Variants in DBN1 observed in about 807,000 individuals in gnomAD.
The protein encoded by DBN1 is drebrin 1.
Under a neutral mutation model 83.5 loss-of-function variants are expected in DBN1, and 21 were observed. The ratio of observed to expected loss-of-function variants is 0.25; its 90% CI spans 0.18 to 0.36. The LOEUF (loss-of-function observed/expected upper bound fraction) is 0.36, where lower values mean the gene tolerates loss of function less well. Among genes scored for constraint, DBN1 ranks in the 10% least tolerant of loss-of-function variants. The pLI, the probability that DBN1 is intolerant of heterozygous loss-of-function variation, is 1.00. For synonymous variants in DBN1, 381 were observed against 384.9 expected, an observed-to-expected ratio of 0.99 and a Z score of 0.12; for missense variants, 874 against 935.7, an observed-to-expected ratio of 0.93 and a Z score of 0.86.
Position 177,467,595 on chromosome 5 carries a change from C to A in DBN1, c.363G>T (p.Val121=). 1 of 1,570,372 alleles carries A rather than the reference C, an allele frequency of 6.4e-7. No homozygotes were observed. Among genetic ancestry groups the A allele is most frequent in the African/African-American group, 1.4e-5 (1 of 74,060 alleles). Residue 121 remains valine, a synonymous_variant, in exon 5 of 15, where the codon GTG becomes GTT. Transcript: ENST00000393565. This position sits in a 1 kb window ranked among gnomAD's most constrained non-coding sequence, Gnocchi z 9.1. ...GVDVIVNASS[V]EDIDAGAIGQ... is the part of the protein sequence containing the mutation. ...CGATGGCACCCGCGTCTATGTCTTC[C>A]ACGCTGCTGGCGTTCACGATCACGT...
chr5:177,466,774 A>G lies in DBN1; in HGVS notation c.769T>C (p.Phe257Leu). 6.2e-7 allele frequency: 1 copy of G among 1,614,142 alleles called. No homozygotes were observed. Among genetic ancestry groups the G allele is most frequent in the Non-Finnish European group, 8.5e-7 (1 of 1,179,998 alleles). The change falls in exon 8 of 15, where the codon TTT (phenylalanine) becomes CTT (leucine). Residue 257 changes from phenylalanine (F) to leucine (L), a missense_variant and splice_region_variant. Physicochemically the swap from Phe to Leu is conservative, Grantham distance 22. Transcript: ENST00000393565. The surrounding 1 kb of genome is among the most constrained non-coding windows in gnomAD (Gnocchi z 4.8). ...AKRRLKEQSI[F>L]GDHRDEEEET... The stretch of plus-strand genomic sequence containing the variant: ...GGGAGCCTTGGCAAAGAACTTACAA[A>G]GATAGACTGCTCCTTCAACCGCCTC...
At chr5:177,465,482 T>C (rs546488597) in intron 8 of DBN1, among the ~76,000 whole-genome samples, 1 of 152,304 alleles carries the variant, frequency 6.6e-6, no homozygotes, top group Non-Finnish European at 1.5e-5. Context: ...TATCCTACAA[T>C]GTGAATGAAT....
At chr5:177,469,658 G>T (rs1268468558) in intron 1 of DBN1, among the ~76,000 whole-genome samples, 2 of 152,182 alleles carry the variant, frequency 1.3e-5, no homozygotes, top group Non-Finnish European at 2.9e-5. Flanking sequence ...AGCTGACCTG[G>T]TGGCCTTCCT....
intron 8 of DBN1, chr5:177,462,406 G>T: frequency 4.1e-6 from 4 of 985,452 alleles, no homozygotes; most frequent in Non-Finnish European, 4.8e-6. Flanking sequence ...TGCTTCCTGG[G>T]GAAGGACCTC....
chr5:177,463,088 G>A (rs1033316477), intron 8 of DBN1, among the ~76,000 whole-genome samples: 3 of 152,000 alleles, frequency 2.0e-5, no homozygotes, highest in African/African-American at 4.8e-5. Flanking sequence ...TCAGGCTGGA[G>A]TGCAGTGGCG....
At position 177,466,740 on chromosome 5, in the gene DBN1, C is replaced by T; in HGVS notation, c.771+32G>A. ...CAGGGACCATTCTCACTTCCCTGAC[C>T]CAGAGACCGGGAGCCTTGGCAAAGA... On this transcript the variant is annotated intron_variant, in intron 8 of 14. Transcript: ENST00000393565. The surrounding 1 kb of genome is among the most constrained non-coding windows in gnomAD (Gnocchi z 4.8). 6.2e-7 allele frequency: 1 copy of T among 1,612,868 alleles called. No individual in the cohort carries two copies. The highest frequency in any genetic ancestry group is 2.2e-5 in the East Asian group (1 of 44,878).
intron 11 of DBN1, 111 bp from the exon 12 acceptor site, chr5:177,459,379 G>T: frequency 6.7e-7 from 1 of 1,490,492 alleles, no homozygotes; most frequent in Non-Finnish European, 8.9e-7. Context: ...GGTGGGGGCT[G>T]GGAGCTCTCC....
chr5:177,469,721 G>A (rs754174192), intron 1 of DBN1, among the ~76,000 whole-genome samples: 10 of 152,286 alleles, frequency 6.6e-5, no homozygotes, highest in South Asian at 6.2e-4. Flanking sequence ...GATAGGCTGC[G>A]GTGACAGAGC....
rs113667169 is a variant in DBN1 at position 177,459,211 on chromosome 5, G to A, written c.1151C>T (p.Pro384Leu). The A allele has an allele frequency of 3.2e-5, 52 of 1,611,010 alleles. 1 individual carries two copies. Among genetic ancestry groups the A allele is most frequent in the Middle Eastern group, 3.3e-4 (2 of 6,026 alleles). ...GGTGGAGGCGGTGCTGGAGTCAGAC[G>A]GGCTCCGCGTGGGGATGGGAGTGGG... Reference protein sequence around the residue: ...MAPTPIPTRSPSDSSTASTPV... With the variant: ...MAPTPIPTRSLSDSSTASTPV... Residue 384 changes from proline to leucine, a missense_variant, in exon 12 of 15, where the codon CCG (proline) becomes CTG (leucine). Physicochemically the swap from Pro to Leu is moderately conservative, Grantham distance 98 (BLOSUM62 -3). Coordinates refer to ENST00000393565, the MANE Select transcript of DBN1 (RefSeq NM_001363541.2).
rs144355780 is a variant in DBN1, at chr5:177,461,655, C to T, written c.772-952G>A. 4.2e-3 allele frequency among the ~76,000 whole-genome samples: 642 copies of T among 152,260 alleles called. 6 individuals are homozygous for T. Among genetic ancestry groups the T allele is most frequent in the African/African-American group, 0.015 (616 of 41,532 alleles). ...GCAGATAACTTCTTGGACCTCCTAC[C>T]CTAGTGCCGGGGCCACCATGCTCCC... On this transcript the variant is annotated intron_variant, in intron 8 of 14. Coordinates refer to ENST00000393565, the MANE Select transcript of DBN1 (RefSeq NM_001363541.2).
At chr5:177,465,169 TA>T (rs1757358537) in intron 8 of DBN1, among the ~76,000 whole-genome samples, 1 of 152,034 alleles carries the variant, frequency 6.6e-6, no homozygotes. Flanking sequence ...ATTTAAAAAA[TA>T]AAAAAATTTT....
At position 177,458,664 on chromosome 5, in the gene DBN1, T is replaced by C. The variant is rs1756759491; in HGVS notation, c.1308A>G (p.Arg436=). ...CGGCCCAGGCCTGAGGGGCTGCTGC[T>C]CTGGTCTCCTCACTGTCTAGGATGG... is the stretch of plus-strand genomic sequence containing the variant. The part of the protein sequence containing the change: ...PSPILDSEET[R]AAAPQAWAGP... The change falls in exon 13 of 15, where the codon AGA becomes AGG. Residue 436 remains arginine, a synonymous_variant. Coordinates refer to ENST00000393565, the MANE Select transcript of DBN1 (RefSeq NM_001363541.2). 1.3e-6 allele frequency: 2 copies of C among 1,571,294 alleles called. No individual in the cohort carries two copies. Among genetic ancestry groups the C allele is most frequent in the African/African-American group, 1.4e-5 (1 of 73,532 alleles).
At position 177,457,444 on chromosome 5, in the gene DBN1, C is replaced by T. The variant is rs139036441; in HGVS notation, c.2077G>A (p.Gly693Ser). ...PVPEEEEGFEGGD is the reference protein window; with the variant it reads ...PVPEEEEGFESGD ...GGCTGGCGCCACCGCTAATCACCAC[C>T]CTCGAAGCCCTCCTCCTCTTCTGGA... The change falls in exon 15 of 15, where the codon GGT (glycine) becomes AGT (serine). Residue 693 changes from glycine to serine, a missense_variant. Gly to Ser is a moderately conservative substitution (Grantham distance 56). Coordinates refer to ENST00000393565, the MANE Select transcript of DBN1 (RefSeq NM_001363541.2). The T allele has an allele frequency of 1.2e-6, 2 of 1,613,988 alleles. No individual in the cohort carries two copies. The highest frequency in any genetic ancestry group is 1.3e-5 in the African/African-American group (1 of 74,938).
intron 8 of DBN1, among the ~76,000 whole-genome samples, chr5:177,464,980 C>T (rs971290883): frequency 2.8e-4 from 43 of 152,180 alleles, no homozygotes; most frequent in African/African-American, 9.4e-4. Context: ...TGGTGAAACC[C>T]CGTCTCTACT....
In DBN1 at chr5:177,467,096, G is replaced by A. The variant is rs764796716; in HGVS notation, c.556-34C>T. The A allele has an allele frequency of 5.6e-6, 9 of 1,612,590 alleles. No individual in the cohort carries two copies. The highest frequency in any genetic ancestry group is 3.4e-4 in the Middle Eastern group (2 of 5,874). On this transcript the variant is annotated intron_variant, in intron 6 of 14. Transcript: ENST00000393565. The surrounding 1 kb of genome is among the most constrained non-coding windows in gnomAD (Gnocchi z 9.1). Reference sequence around the variant, plus strand: ...CCCGGTGCGAACAAGGGTAGGCCCCGAGCCTAGGCGCCTGGACCCTGCCCC... The same window carrying A: ...CCCGGTGCGAACAAGGGTAGGCCCCAAGCCTAGGCGCCTGGACCCTGCCCC...
In DBN1 at chr5:177,468,887, T is replaced by C. The variant is rs763587856; in HGVS notation, c.99A>G (p.Thr33=). Residue 33 remains threonine, a synonymous_variant, in exon 2 of 15, where the codon ACA becomes ACG. Transcript: ENST00000393565. ...EESAADWALY[T]YEDGSDDLKL... ...TGAGGTCATCGGAGCCATCTTCATA[T>C]GTGTACAGAGCCCTGGGGAGAGGGA... The C allele has an allele frequency of 2.3e-6, 3 of 1,319,238 alleles. No homozygotes were observed. The highest frequency in any genetic ancestry group is 2.8e-5 in the East Asian group (1 of 35,772). The allele number at this position is 1,319,238 out of a possible 1,614,324, so 81.7% of individuals were successfully genotyped here. A position where few individuals can be genotyped will look rare whatever the true frequency, so the allele number is the denominator to read the frequency against.
Position 177,457,460 on chromosome 5 carries a change from C to T in DBN1, c.2061G>A (p.Glu687=). Reference sequence around the variant, plus strand: ...AATCACCACCCTCGAAGCCCTCCTCCTCTTCTGGAACTGGGTCTGCATCCC... The same window carrying T: ...AATCACCACCCTCGAAGCCCTCCTCTTCTTCTGGAACTGGGTCTGCATCCC... The part of the protein sequence containing the change: ...TCWDADPVPE[E]EEGFEGGD Residue 687 remains glutamate (E), a synonymous_variant, in exon 15 of 15, where the codon GAG becomes GAA. Coordinates refer to ENST00000393565, the MANE Select transcript of DBN1 (RefSeq NM_001363541.2). 6.2e-7 allele frequency: 1 copy of T among 1,614,196 alleles called. No homozygotes were observed. Among genetic ancestry groups the T allele is most frequent in the Non-Finnish European group, 8.5e-7 (1 of 1,180,014 alleles).
rs1756537245 is a variant in DBN1, at chr5:177,456,904, A to C, written c.*529T>G. Reference sequence around the variant, plus strand: ...CCTTTGGGCCAGACAGGAAGGGGTCAAAAGAAGGGCGGGGAGGGGGTCCCA... The same window carrying C: ...CCTTTGGGCCAGACAGGAAGGGGTCCAAAGAAGGGCGGGGAGGGGGTCCCA... On this transcript the variant is annotated 3_prime_UTR_variant, in exon 15 of 15. Transcript: ENST00000393565. The C allele has an allele frequency of 6.5e-6, 1 of 154,796 alleles. No individual in the cohort carries two copies. Among genetic ancestry groups the C allele is most frequent in the Non-Finnish European group, 1.4e-5 (1 of 69,194 alleles). The allele number at this position is 154,796 out of a possible 1,614,324, so 9.6% of individuals were successfully genotyped here. A position where few individuals can be genotyped will look rare whatever the true frequency, so the allele number is the denominator to read the frequency against.
At chr5:177,464,979 C>T (rs558261965) in intron 8 of DBN1, among the ~76,000 whole-genome samples, 9 of 152,122 alleles carry the variant, frequency 5.9e-5, no homozygotes, top group Admixed American at 3.9e-4. Context: ...ATGGTGAAAC[C>T]CCGTCTCTAC....
Sources: gnomAD v4.1 joint callset for allele counts (sites outside exome capture counted in the v4.1 genomes callset) on GRCh38, gnomAD v4.1.1 for gene constraint, Gnocchi (gnomAD v3.1) non-coding constraint, MANE v1.5 for transcripts, NCBI Gene and HGNC (gene_info 2026-07-23, HGNC 2026-07-21) for gene names.